CDYL: variants seen among roughly 807,000 people sequenced by gnomAD.
The protein encoded by CDYL is chromodomain Y like, also known as chromodomain Y-like protein.
In CDYL, 8 loss-of-function variants were observed where a neutral mutation model predicts 47.3. The observed-to-expected ratio is 0.17, with a 90% CI of 0.10 to 0.31. CDYL has a LOEUF of 0.31. CDYL is among the 10% of genes least tolerant of loss of function. The pLI, the probability that CDYL is intolerant of heterozygous loss-of-function variation, is 1.00. For missense variants in CDYL, 471 were observed against 701.4 expected, an observed-to-expected ratio of 0.67 and a Z score of 3.71; for synonymous variants, 266 against 265.0, an observed-to-expected ratio of 1.00 and a Z score of -0.04.
chr6:4,921,528 A>G (rs1757716795), intron 2 of CDYL, among the ~76,000 whole-genome samples: 1 of 152,000 alleles, frequency 6.6e-6, no homozygotes, highest in Admixed American at 6.5e-5. Context: ...GCCCTGGAAG[A>G]TCTTTCTCAG....
chr6:4,876,890 G>A (rs1208756842), intron 1 of CDYL, among the ~76,000 whole-genome samples: 1 of 152,190 alleles, frequency 6.6e-6, no homozygotes, highest in Non-Finnish European at 1.5e-5. Context: ...CTTGACACTT[G>A]GGGATTAACG....
At chr6:4,941,952 T>C (rs1333057170) in intron 4 of CDYL, among the ~76,000 whole-genome samples, 1 of 152,228 alleles carries the variant, frequency 6.6e-6, no homozygotes, top group East Asian at 1.9e-4. Context: ...GTTTTACCTT[T>C]TCATGAGTCA....
At chr6:4,941,086 A>G (rs898740570) in intron 4 of CDYL, among the ~76,000 whole-genome samples, 2 of 152,274 alleles carry the variant, frequency 1.3e-5, no homozygotes, top group African/African-American at 2.4e-5. Flanking sequence ...TAGACTAATT[A>G]TGTGGCAAAT....
intron 1 of CDYL, among the ~76,000 whole-genome samples, chr6:4,834,893 C>T (rs986011209): frequency 3.3e-5 from 5 of 152,260 alleles, no homozygotes; most frequent in Admixed American, 6.5e-5. Context: ...GTATTCTTCA[C>T]GTAGTTCTCG....
At chr6:4,941,508 T>C (rs1011698896) in intron 4 of CDYL, among the ~76,000 whole-genome samples, 28 of 152,344 alleles carry the variant, frequency 1.8e-4, no homozygotes, top group African/African-American at 6.5e-4. Context: ...GAAGGGGCTC[T>C]TTGCTCCAGA....
At chr6:4,715,823 G>A in exon 2 of CDYL, 1 of 1,614,150 alleles carries the variant, frequency 6.2e-7, no homozygotes, top group South Asian at 1.1e-5. Context: ...GAAAAAGCAG[G>A]AAGAAAAACT....
At chr6:4,813,567 T>A (rs1759585732) in intron 1 of CDYL, among the ~76,000 whole-genome samples, 1 of 152,216 alleles carries the variant, frequency 6.6e-6, no homozygotes, top group Non-Finnish European at 1.5e-5. Flanking sequence ...TTTGCTAAAT[T>A]ATGTGTTTAG....
intron 1 of CDYL, among the ~76,000 whole-genome samples, chr6:4,829,046 T>C (rs1480835660): frequency 6.6e-6 from 1 of 152,224 alleles, no homozygotes; most frequent in African/African-American, 2.4e-5. Context: ...TTGAGCTTAT[T>C]TAAGACAGTC....
At chr6:4,721,170 C>G (rs1757362199) in intron 2 of CDYL, among the ~76,000 whole-genome samples, 1 of 152,246 alleles carries the variant, frequency 6.6e-6, no homozygotes, top group East Asian at 1.9e-4. Context: ...AAACAATAAA[C>G]TATTATTTTA....
At chr6:4,791,710 GAA>G (rs775103889) in intron 1 of CDYL, among the ~76,000 whole-genome samples, 1 of 141,882 alleles carries the variant, frequency 7.0e-6, no homozygotes, top group Non-Finnish European at 1.5e-5. Flanking sequence ...ATCAAAGAAA[GAA>G]AAAAAAAAAG....
chr6:4,769,375 A>G (rs1399572005), intron 3 of CDYL, among the ~76,000 whole-genome samples: 2 of 152,230 alleles, frequency 1.3e-5, no homozygotes, highest in African/African-American at 2.4e-5. Context: ...TGAATAGAAT[A>G]TGGTATCCCT....
intron 2 of CDYL, among the ~76,000 whole-genome samples, chr6:4,929,686 A>C (rs568013663): frequency 3.3e-5 from 5 of 152,266 alleles, no homozygotes; most frequent in African/African-American, 1.2e-4. Context: ...TTGGTTCAAC[A>C]TATTCAATGA....
rs186028026 is a variant in CDYL, at chr6:4,848,242, G to C, written c.25-43471G>C. ...CTCGAACAGTGTCTGATAATTAGTAGTGTCTGACAATATTTGCTGAATGAG... is the reference window on the plus strand; with the variant it reads ...CTCGAACAGTGTCTGATAATTAGTACTGTCTGACAATATTTGCTGAATGAG... On this transcript the variant is annotated intron_variant, in intron 1 of 6. Coordinates refer to ENST00000397588, the MANE Select transcript of CDYL (RefSeq NM_004824.4). Among the ~76,000 whole-genome samples the C allele has an allele frequency of 3.9e-5, 6 of 152,286 alleles. No homozygotes were observed. In the South Asian group the frequency reaches 8.3e-4, roughly 21 times the overall value.
chr6:4,820,779 G>A (rs1759811970), intron 1 of CDYL, among the ~76,000 whole-genome samples: 1 of 152,220 alleles, frequency 6.6e-6, no homozygotes, highest in Admixed American at 6.6e-5. Flanking sequence ...AATTGCAGGT[G>A]TGGAAACAGT....
chr6:4,860,508 T>A (rs1193802337), intron 1 of CDYL, among the ~76,000 whole-genome samples: 6 of 147,456 alleles, frequency 4.1e-5, no homozygotes, highest in Admixed American at 3.4e-4. Context: ...TATATATATA[T>A]AAAAAATATA....
At position 4,835,867 on chromosome 6, in the gene CDYL, C is replaced by T. The variant is rs1031490159; in HGVS notation, c.25-55846C>T. On this transcript the variant is annotated intron_variant, in intron 1 of 6. Transcript: ENST00000397588. ...AGCAGTCAGCGAGACTCCGTGGGCG[C>T]AGGACCCTCCGAGCCAGGTGCGGGA... is the stretch of plus-strand genomic sequence containing the variant. 7.9e-5 allele frequency among the ~76,000 whole-genome samples: 12 copies of T among 152,196 alleles called. No homozygotes were observed. In the East Asian group the frequency reaches 9.7e-4, roughly 12 times the overall value.
intron 2 of CDYL, among the ~76,000 whole-genome samples, chr6:4,717,268 C>G (rs996372310): frequency 9.2e-5 from 14 of 152,122 alleles, no homozygotes; most frequent in Non-Finnish European, 1.9e-4. Context: ...ATTCCTGTTC[C>G]GCCTACTGGG....
At chr6:4,935,833 G>T in intron 3 of CDYL, 62 bp downstream of exon 3, 1 of 1,599,236 alleles carries the variant, frequency 6.3e-7, no homozygotes, top group South Asian at 1.1e-5. Flanking sequence ...TTCCAGGCCT[G>T]CCTGGCTGAA....
chr6:4,834,707 A>G (rs1261222305), intron 1 of CDYL, among the ~76,000 whole-genome samples: 1 of 152,200 alleles, frequency 6.6e-6, no homozygotes, highest in Non-Finnish European at 1.5e-5. Context: ...ACTTTCAGGT[A>G]CACCAGTCAG....
Sources: gnomAD v4.1 joint callset for allele counts (sites outside exome capture counted in the v4.1 genomes callset) on GRCh38, gnomAD v4.1.1 for gene constraint, MANE v1.5 for transcripts, NCBI Gene and HGNC (gene_info 2026-07-23, HGNC 2026-07-21) for gene names.